Variants in B4GALNT2 observed in about 807,000 individuals in gnomAD.
The protein encoded by B4GALNT2 is N-acetylneuraminylgalactosylglucosyl-glucoside beta-1,4-N- acetylgalactosaminyltransferase 2.
Under a neutral mutation model 51.1 loss-of-function variants are expected in B4GALNT2, and 42 were observed. The ratio of observed to expected loss-of-function variants is 0.82; its 90% CI spans 0.64 to 1.06. The LOEUF (loss-of-function observed/expected upper bound fraction) is 1.06, where lower values mean the gene tolerates loss of function less well. B4GALNT2 is among the 50% of genes least tolerant of loss of function. The probability of loss-of-function intolerance (pLI) is 0.00; values close to 1 mark genes in which losing one functional copy is unlikely to be tolerated. For missense variants in B4GALNT2, 602 were observed against 633.6 expected, an observed-to-expected ratio of 0.95 and a Z score of 0.54; for synonymous variants, 253 against 251.7, an observed-to-expected ratio of 1.01 and a Z score of -0.05.
In B4GALNT2 at chr17:49,162,862, G is replaced by A. The variant is rs547629560; in HGVS notation, c.767-1226G>A. Among the ~76,000 whole-genome samples the A allele has an allele frequency of 2.5e-5, 3 of 121,764 alleles. No individual in the cohort carries two copies. The Admixed American group carries it at 3.5e-4, about 14-fold the overall frequency. 79.9% of individuals were successfully genotyped at this position (121,764 alleles called of 152,430 possible). On this transcript the variant is annotated intron_variant, in intron 7 of 10. Coordinates refer to ENST00000393354, the MANE Select transcript of B4GALNT2 (RefSeq NM_001159387.2). ...TGGGAGGTGGAGGTTGCAGTGAGCCGAGATCATGCCATTGCACTCCAGTCT... is the reference window on the plus strand; with the variant it reads ...TGGGAGGTGGAGGTTGCAGTGAGCCAAGATCATGCCATTGCACTCCAGTCT...
chr17:49,169,022 C>T, intron 10 of B4GALNT2, 122 bp downstream of exon 10: 1 of 896,426 alleles, frequency 1.1e-6, no homozygotes, highest in Non-Finnish European at 1.7e-6. Flanking sequence ...CAGTACATCC[C>T]TTTCCCCTTT....
intron 7 of B4GALNT2, among the ~76,000 whole-genome samples, chr17:49,162,385 G>A (rs1432064706): frequency 6.6e-6 from 1 of 152,122 alleles, no homozygotes; most frequent in Non-Finnish European, 1.5e-5. Context: ...AAGTGCATAT[G>A]AAAACTACTT....
intron 7 of B4GALNT2, among the ~76,000 whole-genome samples, chr17:49,162,613 C>T (rs1165769441): frequency 1.3e-5 from 2 of 151,928 alleles, no homozygotes; most frequent in East Asian, 3.9e-4. Context: ...TTTGCAATGA[C>T]AAAAAACAGA....
chr17:49,143,774 A>T (rs1173321927), intron 3 of B4GALNT2, among the ~76,000 whole-genome samples: 3 of 152,240 alleles, frequency 2.0e-5, no homozygotes, highest in African/African-American at 7.2e-5. Flanking sequence ...GCTACATCAT[A>T]ACATGGTGGA....
At chr17:49,125,882 G>T in the B4GALNT2 span, among the ~76,000 whole-genome samples, 2 of 144,936 alleles carry the variant, frequency 1.4e-5, no homozygotes, top group African/African-American at 5.1e-5. Flanking sequence ...AGGTGGGGGG[G>T]TCGGCCCCCT....
At chr17:49,148,664 A>C in intron 3 of B4GALNT2, 1 of 562,164 alleles carries the variant, frequency 1.8e-6, no homozygotes, top group Non-Finnish European at 3.3e-6. Flanking sequence ...GAGACTGCAC[A>C]ACCTTCATGA....
At chr17:49,129,792 G>A (rs12149969), upstream of B4GALNT2, among the ~76,000 whole-genome samples, 1 of 151,790 alleles carries the variant, frequency 6.6e-6, no homozygotes, top group Non-Finnish European at 1.5e-5. Flanking sequence ...CTCTGGTTGG[G>A]GAGGGATTTA....
chr17:49,132,803 G>C lies in B4GALNT2; in HGVS notation c.11G>C (p.Gly4Ala). Residue 4 changes from glycine (G) to alanine (A), a missense_variant, in exon 1 of 11, where the codon GGC becomes GCC. By Grantham distance (60) the Gly-to-Ala change is moderately conservative (BLOSUM62 0). Transcript: ENST00000393354. MTS[G>A]GSRFLWLLKI... ...GCGGCGGGATTCGGGATGACTTCGG[G>C]CGGGTGAGTGTCCCCGGGGCAGAGC... is the stretch of plus-strand genomic sequence containing the variant. 7.3e-7 allele frequency: 1 copy of C among 1,377,752 alleles called. No homozygotes were observed. The highest frequency in any genetic ancestry group is 9.4e-7 in the Non-Finnish European group (1 of 1,064,194). 85.3% of individuals were successfully genotyped at this position (1,377,752 alleles called of 1,614,324 possible).
intron 6 of B4GALNT2, among the ~76,000 whole-genome samples, 193 bp downstream of exon 6, chr17:49,159,410 C>A (rs2042841979): frequency 6.6e-6 from 1 of 152,204 alleles, no homozygotes; most frequent in Admixed American, 6.5e-5. Context: ...TCTGTGATCT[C>A]TGCTCACTGC....
intron 1 of B4GALNT2, among the ~76,000 whole-genome samples, chr17:49,140,960 G>A (rs922665445): frequency 2.0e-5 from 3 of 151,446 alleles, no homozygotes; most frequent in Non-Finnish European, 2.9e-5. Flanking sequence ...CGCGTGATCC[G>A]CCTGCCTCGG....
rs147950071 is a variant in B4GALNT2, at chr17:49,138,009, G to A, written c.15-3238G>A. Among the ~76,000 whole-genome samples the A allele has an allele frequency of 2.8e-3, 430 of 152,308 alleles. 3 individuals carry two copies. The highest frequency in any genetic ancestry group is 9.9e-3 in the African/African-American group (411 of 41,578). ...CATAAAGTGAGCAGGCAAATAATCA[G>A]ATAGGCCCCACTTTCAATGTTTGAA... is the stretch of plus-strand genomic sequence containing the variant. On this transcript the variant is annotated intron_variant, in intron 1 of 10. Coordinates refer to ENST00000393354, the MANE Select transcript of B4GALNT2 (RefSeq NM_001159387.2).
chr17:49,141,405 C>A lies in B4GALNT2; in HGVS notation c.173C>A (p.Pro58His). ...GGTGTCCAGAAGCTGAAGCTTCTGC[C>A]TGAGGAACGTCTCAGGAACCTCTTT... ...APGVQKLKLL[P>H]EERLRNLFSY... Residue 58 changes from proline to histidine, a missense_variant, in exon 2 of 11, where the codon CCT becomes CAT. By Grantham distance (77) the Pro-to-His change is moderately conservative. Coordinates refer to ENST00000393354, the MANE Select transcript of B4GALNT2 (RefSeq NM_001159387.2). 6.2e-7 allele frequency: 1 copy of A among 1,614,142 alleles called. No individual in the cohort carries two copies. The highest frequency in any genetic ancestry group is 8.5e-7 in the Non-Finnish European group (1 of 1,180,016).
intron 1 of B4GALNT2, 137 bp from the exon 2 acceptor site, chr17:49,141,110 T>A (rs760209513): frequency 2.5e-5 from 19 of 775,104 alleles, no homozygotes; most frequent in Non-Finnish European, 4.1e-5. Flanking sequence ...TCCTCCTCTG[T>A]TTATCAGAAA....
rs1046441067 is a variant in B4GALNT2, at chr17:49,174,240, C to T, written c.*4512C>T. The T allele has an allele frequency of 2.4e-4, 36 of 152,178 alleles. No homozygotes were observed. The highest frequency in any genetic ancestry group is 3.4e-3 in the Middle Eastern group (1 of 294). 9.4% of individuals were successfully genotyped at this position (152,178 alleles called of 1,614,324 possible). A position where few individuals can be genotyped will look rare whatever the true frequency, so the allele number is the denominator to read the frequency against. On this transcript the variant is annotated 3_prime_UTR_variant, in exon 11 of 11. Coordinates refer to ENST00000393354, the MANE Select transcript of B4GALNT2 (RefSeq NM_001159387.2). ...GAGTGGGGGGCAGCACAAAGTATATCGTCCATATAATGAATAATGTAACAC... is the reference window on the plus strand; with the variant it reads ...GAGTGGGGGGCAGCACAAAGTATATTGTCCATATAATGAATAATGTAACAC...
intron 1 of B4GALNT2, chr17:49,133,336 G>C: frequency 2.4e-6 from 3 of 1,249,550 alleles, no homozygotes; most frequent in Non-Finnish European, 3.1e-6. Flanking sequence ...AAATCCAGGC[G>C]CCCACCGCAG....
At chr17:49,134,838 G>C (rs1247314521) in intron 1 of B4GALNT2, among the ~76,000 whole-genome samples, 2 of 152,004 alleles carry the variant, frequency 1.3e-5, no homozygotes, top group African/African-American at 2.4e-5. Context: ...TGATCCACCC[G>C]CCTCAGCCTC....
intron 3 of B4GALNT2, among the ~76,000 whole-genome samples, chr17:49,151,713 T>G (rs2042756420): frequency 6.8e-6 from 1 of 146,192 alleles, no homozygotes. Flanking sequence ...ACCACTGAAC[T>G]CCAGCCTGGC....
upstream of B4GALNT2, among the ~76,000 whole-genome samples, chr17:49,130,988 G>A (rs2042534552): frequency 6.6e-6 from 1 of 152,166 alleles, no homozygotes; most frequent in African/African-American, 2.4e-5. Flanking sequence ...GTGATACAGG[G>A]GGTTTGAGGG....
rs2042984408 is a variant in B4GALNT2 at position 49,175,914 on chromosome 17, C to CA, written c.*6187dup. On this transcript the variant is annotated 3_prime_UTR_variant, in exon 11 of 11. Transcript: ENST00000393354. ...GAAGAGTAGGGACAAACCTCTTCCTCATTTGCCGCTTTAGCTTCAGCCAGC... is the reference window on the plus strand; with the variant it reads ...GAAGAGTAGGGACAAACCTCTTCCTCAATTTGCCGCTTTAGCTTCAGCCAGC... 1 of 152,206 alleles carries CA rather than the reference C, an allele frequency of 6.6e-6. No individual in the cohort carries two copies. Among genetic ancestry groups the CA allele is most frequent in the Non-Finnish European group, 1.5e-5 (1 of 68,038 alleles). The allele number at this position is 152,206 out of a possible 1,614,324, so 9.4% of individuals were successfully genotyped here.
Sources: gnomAD v4.1 joint callset for allele counts (sites outside exome capture counted in the v4.1 genomes callset) on GRCh38, gnomAD v4.1.1 for gene constraint, MANE v1.5 for transcripts, NCBI Gene and HGNC (gene_info 2026-07-23, HGNC 2026-07-21) for gene names.